Variants in MYRIP observed in about 807,000 individuals in gnomAD.
MYRIP encodes the protein rab effector MyRIP.
MYRIP carries 49 observed loss-of-function variants against 98.0 expected under a neutral mutation model. The ratio of observed to expected loss-of-function variants is 0.50; its 90% confidence interval spans 0.40 to 0.63. MYRIP has a LOEUF of 0.63. Ranked by LOEUF, MYRIP falls within the 30% of genes least tolerant of loss-of-function variation. MYRIP has a pLI of 0.00. For missense variants in MYRIP, 1,004 were observed against 1,058.2 expected, an observed-to-expected ratio of 0.95 and a Z score of 0.71; for synonymous variants, 404 against 409.5, an observed-to-expected ratio of 0.99 and a Z score of 0.16.
intron 1 of MYRIP, among the ~76,000 whole-genome samples, chr3:39,842,252 T>C (rs1384872782): frequency 6.6e-6 from 1 of 152,164 alleles, no homozygotes; most frequent in Non-Finnish European, 1.5e-5. Context: ...TGGCTTCGTT[T>C]ATACTGTAAG....
At chr3:40,098,691 T>C (rs1948877011) in intron 3 of MYRIP, among the ~76,000 whole-genome samples, 1 of 151,876 alleles carries the variant, frequency 6.6e-6, no homozygotes, top group Non-Finnish European at 1.5e-5. Flanking sequence ...TGATCAAATA[T>C]TCTGTCCCCT....
At chr3:40,137,418 G>A (rs1416785222) in intron 3 of MYRIP, among the ~76,000 whole-genome samples, 2 of 152,134 alleles carry the variant, frequency 1.3e-5, no homozygotes, top group Non-Finnish European at 2.9e-5. Context: ...AAAGAGTCCA[G>A]GACCAGATGG....
chr3:40,134,157 G>A (rs1949709557), intron 3 of MYRIP, among the ~76,000 whole-genome samples: 1 of 152,204 alleles, frequency 6.6e-6, no homozygotes, highest in South Asian at 2.1e-4. Flanking sequence ...ATGACAGACA[G>A]CACCTGGAAA....
At chr3:39,837,133 C>T (rs1941651538) in intron 1 of MYRIP, among the ~76,000 whole-genome samples, 1 of 152,126 alleles carries the variant, frequency 6.6e-6, no homozygotes, top group Non-Finnish European at 1.5e-5. Context: ...ATATTTCTGC[C>T]ACCAACCTGA....
chr3:40,170,172 A>C (rs1950584156), intron 8 of MYRIP, 79 bp downstream of exon 8: 1 of 1,538,050 alleles, frequency 6.5e-7, no homozygotes, highest in African/African-American at 1.4e-5. Flanking sequence ...TAGTTGAATC[A>C]GGTGGCCACT....
At chr3:39,999,774 G>T (rs147710007) in intron 2 of MYRIP, among the ~76,000 whole-genome samples, 1 of 152,018 alleles carries the variant, frequency 6.6e-6, no homozygotes. Context: ...TTGGAACCAA[G>T]CCAAATGTCC....
chr3:40,039,784 C>G (rs1157800557), intron 2 of MYRIP, among the ~76,000 whole-genome samples: 1 of 151,562 alleles, frequency 6.6e-6, no homozygotes, highest in East Asian at 1.9e-4. Context: ...AACAAATTAT[C>G]ACAAATAGGT....
At chr3:40,192,320 ATATATGT>A (rs1218506903) in intron 10 of MYRIP, among the ~76,000 whole-genome samples, 27 of 13,254 alleles carry the variant, frequency 2.0e-3, no homozygotes, top group African/African-American at 3.3e-3. Flanking sequence ...ATATATATAT[ATATATGT>A]CATATATATA....
At chr3:39,813,424 A>C (rs1014426243) in intron 1 of MYRIP, among the ~76,000 whole-genome samples, 2 of 152,220 alleles carry the variant, frequency 1.3e-5, no homozygotes, top group South Asian at 4.1e-4. Flanking sequence ...CCATGCCCAT[A>C]ATCACCAAGA....
chr3:40,019,794 A>G (rs1412222570), intron 2 of MYRIP, among the ~76,000 whole-genome samples: 2 of 151,552 alleles, frequency 1.3e-5, no homozygotes, highest in East Asian at 1.9e-4. Flanking sequence ...GCACAATACC[A>G]TTACCATTAG....
At chr3:39,990,341 C>T (rs565743082) in intron 2 of MYRIP, among the ~76,000 whole-genome samples, 2 of 152,292 alleles carry the variant, frequency 1.3e-5, no homozygotes, top group Admixed American at 1.3e-4. Context: ...AATCTGGATA[C>T]CTCAGTTGCT....
At chr3:40,035,610 A>G (rs1471191349) in intron 2 of MYRIP, among the ~76,000 whole-genome samples, 1 of 152,064 alleles carries the variant, frequency 6.6e-6, no homozygotes, top group East Asian at 1.9e-4. Context: ...AATTATTTTT[A>G]GAAAAAAGTA....
chr3:40,050,287 C>T (rs1418592791), intron 3 of MYRIP, among the ~76,000 whole-genome samples: 2 of 152,110 alleles, frequency 1.3e-5, no homozygotes, highest in East Asian at 3.9e-4. Context: ...TGGTGACTTC[C>T]AGTCGAAGCC....
chr3:40,188,252 C>T (rs1351126651), intron 9 of MYRIP, among the ~76,000 whole-genome samples: 2 of 152,158 alleles, frequency 1.3e-5, no homozygotes, highest in Non-Finnish European at 2.9e-5. Flanking sequence ...TGATAACTTT[C>T]CTTTCATTAT....
intron 2 of MYRIP, among the ~76,000 whole-genome samples, chr3:39,959,060 C>T (rs1031049620): frequency 6.6e-6 from 1 of 152,182 alleles, no homozygotes; most frequent in African/African-American, 2.4e-5. Flanking sequence ...GAAATAGGAA[C>T]ACTTTTACAC....
chr3:40,240,827 G>A (rs1248519579), intron 12 of MYRIP, among the ~76,000 whole-genome samples: 1 of 152,136 alleles, frequency 6.6e-6, no homozygotes, highest in Non-Finnish European at 1.5e-5. Flanking sequence ...TGTACCTATT[G>A]GGGTCTGGCT....
intron 2 of MYRIP, among the ~76,000 whole-genome samples, chr3:39,901,416 T>G (rs966283369): frequency 6.6e-6 from 1 of 152,156 alleles, no homozygotes; most frequent in Non-Finnish European, 1.5e-5. Context: ...TAGCACCACT[T>G]CCCTCATTTT....
intron 3 of MYRIP, among the ~76,000 whole-genome samples, chr3:40,103,415 T>C (rs544633247): frequency 2.0e-5 from 3 of 152,324 alleles, no homozygotes; most frequent in African/African-American, 7.2e-5. Context: ...CTTGGGAACC[T>C]TGGGGTCTGA....
chr3:40,169,344 A>G (rs1157438376), intron 7 of MYRIP, among the ~76,000 whole-genome samples: 1 of 152,118 alleles, frequency 6.6e-6, no homozygotes, highest in Non-Finnish European at 1.5e-5. Context: ...GTGGCTTAGC[A>G]CATTTCTTGA....
Sources: gnomAD v4.1 joint callset for allele counts (sites outside exome capture counted in the v4.1 genomes callset) on GRCh38, gnomAD v4.1.1 for gene constraint, MANE v1.5 for transcripts, NCBI Gene and HGNC (gene_info 2026-07-23, HGNC 2026-07-21) for gene names.